PKD1: variants seen among roughly 807,000 people sequenced by gnomAD.
PKD1 encodes polycystin 1, transient receptor potential channel interacting.
Under a neutral mutation model 361.7 loss-of-function variants are expected in PKD1, and 81 were observed. The observed-to-expected ratio is 0.22, with a 90% confidence interval of 0.19 to 0.27. The LOEUF (loss-of-function observed/expected upper bound fraction) is 0.27, where lower values mean the gene tolerates loss of function less well. PKD1 is among the 10% of genes least tolerant of loss of function. PKD1 has a pLI of 1.00. For synonymous variants in PKD1, 3,615 were observed against 2,818.3 expected (o/e 1.28, Z -8.95); for missense variants, 6,399 against 6,118.3 (o/e 1.05, Z -1.53).
At chr16:2,134,854 CCT>C (rs1302475947) in intron 1 of PKD1, among the ~76,000 whole-genome samples, 2 of 150,832 alleles carry the variant, frequency 1.3e-5, no homozygotes, top group South Asian at 2.1e-4. Context: ...CCCCCTCACC[CCT>C]GTTCTCAGGA....
At chr16:2,105,626 A>G in intron 20 of PKD1, 152 bp from the exon 21 acceptor site, 1 of 1,548,684 alleles carries the variant, frequency 6.5e-7, no homozygotes, top group Non-Finnish European at 8.7e-7. Flanking sequence ...CTTCATGGGC[A>G]AAACAGGGTA....
Position 2,111,700 on chromosome 16 carries a change from C to G in PKD1, c.3467G>C (p.Gly1156Ala), listed in dbSNP as rs758919377. 10 of 1,583,508 alleles carry G rather than the reference C, an allele frequency of 6.3e-6. No homozygotes were observed. In the African/African-American group the frequency reaches 1.2e-4, roughly 19 times the overall value. The change falls in exon 15 of 46, where the codon GGT becomes GCT. Residue 1156 changes from glycine (G) to alanine (A), a missense_variant. Gly to Ala is a moderately conservative substitution (Grantham distance 60). Coordinates refer to ENST00000262304, the MANE Select transcript of PKD1 (RefSeq NM_001009944.3). Reference sequence around the variant, plus strand: ...CCCGAAGTCCCACGTGTAAAGAACACCCCCAGGCGAGGGCAGCGGGTGCGG... The same window carrying G: ...CCCGAAGTCCCACGTGTAAAGAACAGCCCCAGGCGAGGGCAGCGGGTGCGG... ...FYPHPLPSPG[G>A]VLYTWDFGDG...
At chr16:2,108,228 A>G in intron 15 of PKD1, 24 bp downstream of exon 15, 2 of 1,583,592 alleles carry the variant, frequency 1.3e-6, no homozygotes, top group Non-Finnish European at 1.7e-6. Flanking sequence ...AGGGGCATGG[A>G]GGACGGCCCT....
chr16:2,127,193 A>G (rs1185249003), intron 1 of PKD1, among the ~76,000 whole-genome samples: 4 of 152,364 alleles, frequency 2.6e-5, no homozygotes, highest in East Asian at 1.9e-4. Flanking sequence ...GGGTCCGCAC[A>G]TCAGGGCGGG....
chr16:2,125,308 C>G (rs13337478), intron 1 of PKD1, among the ~76,000 whole-genome samples: 3 of 152,090 alleles, frequency 2.0e-5, no homozygotes, highest in Non-Finnish European at 4.4e-5. Context: ...CCTGGCCCCA[C>G]GAGGGGTGGG....
chr16:2,115,322 G>A (rs150369218), intron 10 of PKD1, 56 bp downstream of exon 10: 17,953 of 1,425,956 alleles, frequency 0.013, 418 homozygotes, highest in East Asian at 0.12. Flanking sequence ...CTGGGCAGCA[G>A]ACAGGAAGGT....
rs539433873 is a variant in PKD1, at chr16:2,099,373, T to TG, written c.10050+270_10050+271insC. On this transcript the variant is annotated intron_variant, in intron 30 of 45. Transcript: ENST00000262304. ...AAGCGTGCACAGCCGCGTGCTTGCT[T>TG]CTTCTGAGTTATCTGGCGTGCTGCT... 4.3e-4 allele frequency: 216 copies of TG among 502,904 alleles called. 1 individual carries two copies. Among genetic ancestry groups the TG allele is most frequent in the South Asian group, 2.0e-3 (102 of 51,346 alleles). The allele number at this position is 502,904 out of a possible 1,614,324, so 31.2% of individuals were successfully genotyped here.
In PKD1 at chr16:2,106,928, C is replaced by A. The variant is rs1336746774; in HGVS notation, c.7086G>T (p.Arg2362=). ...CACACTCCAAGGACACAATGGGCAC[C>A]CGGCCACTCCGGATCAGCACCTGGC... The part of the protein sequence containing the change: ...TNQTVLIRSG[R]VPIVSLECVS... Residue 2362 remains arginine (R), a synonymous_variant, in exon 17 of 46, where the codon CGG becomes CGT. Transcript: ENST00000262304. This position sits in a 1 kb window ranked among gnomAD's most constrained non-coding sequence, Gnocchi z 6.5. 8 of 1,580,674 alleles carry A rather than the reference C, an allele frequency of 5.1e-6. No homozygotes were observed. The highest frequency in any genetic ancestry group is 1.7e-5 in the Admixed American group (1 of 59,958).
chr16:2,115,673 C>T (rs564928981), intron 9 of PKD1, 48 bp from the exon 10 acceptor site: 11 of 1,568,932 alleles, frequency 7.0e-6, no homozygotes, highest in South Asian at 1.1e-5. Context: ...CACAGGCCAC[C>T]GTCAGAGATG....
In PKD1 at chr16:2,106,062, C is replaced by T. The variant is rs753259283; in HGVS notation, c.7703+29G>A. The T allele has an allele frequency of 4.4e-5, 71 of 1,606,686 alleles. No individual in the cohort carries two copies. In the South Asian group the frequency reaches 5.2e-4, roughly 12 times the overall value. On this transcript the variant is annotated intron_variant, in intron 19 of 45. Coordinates refer to ENST00000262304, the MANE Select transcript of PKD1 (RefSeq NM_001009944.3). The surrounding 1 kb of genome is among the most constrained non-coding windows in gnomAD (Gnocchi z 6.5). ...GGGGGTGGTGAGCAGGTGGCAGTCTCGGGGGCGCCCTCCCACGGCCTGGCT... is the reference window on the plus strand; with the variant it reads ...GGGGGTGGTGAGCAGGTGGCAGTCTTGGGGGCGCCCTCCCACGGCCTGGCT...
rs781572938 is a variant in PKD1, at chr16:2,116,578, G to A, written c.1673C>T (p.Thr558Met). The A allele has an allele frequency of 4.2e-5, 66 of 1,571,020 alleles. No homozygotes were observed. The highest frequency in any genetic ancestry group is 1.6e-4 in the Admixed American group (9 of 55,948). Residue 558 changes from threonine to methionine, a missense_variant, in exon 8 of 46, where the codon ACG (threonine) becomes ATG (methionine). Physicochemically the swap from Thr to Met is moderately conservative, Grantham distance 81 (BLOSUM62 -1). Coordinates refer to ENST00000262304, the MANE Select transcript of PKD1 (RefSeq NM_001009944.3). ...GAGGCCGTCCTGCTGTGCCAGAGGC[G>A]TCAGGGGTCCCTGCAGGTCCCCACT... ...APSGDLQGPLTPLAQQDGLSA... is the reference protein window; with the variant it reads ...APSGDLQGPLMPLAQQDGLSA...
intron 24 of PKD1, 65 bp downstream of exon 24, chr16:2,102,749 T>A: frequency 1.2e-6 from 2 of 1,603,030 alleles, no homozygotes; most frequent in African/African-American, 1.3e-5. Context: ...ATGGGGCCAG[T>A]AACCCAGGCA....
chr16:2,106,381 C>G lies in PKD1; in HGVS notation c.7489+17G>C. 1.3e-6 allele frequency: 2 copies of G among 1,593,210 alleles called. No individual in the cohort carries two copies. Among genetic ancestry groups the G allele is most frequent in the Admixed American group, 1.8e-5 (1 of 56,904 alleles). ...TCGGGGGATCCCGCTGCTCCCCCCACGCAGGCCTGCACTCACCCGTGCATT... is the reference window on the plus strand; with the variant it reads ...TCGGGGGATCCCGCTGCTCCCCCCAGGCAGGCCTGCACTCACCCGTGCATT... On this transcript the variant is annotated intron_variant, in intron 18 of 45. Transcript: ENST00000262304. The surrounding 1 kb of genome is among the most constrained non-coding windows in gnomAD (Gnocchi z 6.5).
In PKD1 at chr16:2,111,118, G is replaced by A. The variant is rs777460980; in HGVS notation, c.4049C>T (p.Thr1350Met). The part of the protein sequence containing the change: ...RGCPTVTHNF[T>M]RSGTFPLALV... ...CGCCAGGGGGAACGTGCCGCTCCGCGTGAAGTTGTGTGTCACCGTCGGGCA... is the reference window on the plus strand; with the variant it reads ...CGCCAGGGGGAACGTGCCGCTCCGCATGAAGTTGTGTGTCACCGTCGGGCA... Residue 1350 changes from threonine to methionine, a missense_variant, in exon 15 of 46, where the codon ACG becomes ATG. Transcript: ENST00000262304. 48 of 1,610,864 alleles carry A rather than the reference G, an allele frequency of 3.0e-5. No homozygotes were observed. Among genetic ancestry groups the A allele is most frequent in the East Asian group, 2.2e-4 (10 of 44,868 alleles).
rs1269405033 is a variant in PKD1, at chr16:2,105,855, C to A, written c.7863+10G>T. 2 of 1,595,298 alleles carry A rather than the reference C, an allele frequency of 1.3e-6. No individual in the cohort carries two copies. Among genetic ancestry groups the A allele is most frequent in the Non-Finnish European group, 1.7e-6 (2 of 1,179,040 alleles). On this transcript the variant is annotated intron_variant, in intron 20 of 45. Transcript: ENST00000262304. ...AGCAGATGTGACGTCCCCTCCCAGG[C>A]TGCACTCACCTCGTTCAGCACGGTG...
intron 11 of PKD1, 40 bp from the exon 12 acceptor site, chr16:2,113,332 C>T: frequency 6.3e-7 from 1 of 1,594,228 alleles, no homozygotes; most frequent in Non-Finnish European, 8.5e-7. Context: ...CTGTGGAGGA[C>T]TCTGCCCTTA....
rs141871028 is a variant in PKD1, at chr16:2,110,075, G to T, written c.5092C>A (p.Arg1698=). The T allele has an allele frequency of 1.2e-6, 2 of 1,609,690 alleles. No homozygotes were observed. The highest frequency in any genetic ancestry group is 1.7e-6 in the Non-Finnish European group (2 of 1,179,394). The part of the protein sequence containing the change: ...LEAGTYHVQL[R]ATNMLGSAWA... Reference sequence around the variant, plus strand: ...GCGCTGCCCAGCATGTTGGTGGCCCGCAGCTGCACATGGTAGGTGCCGGCC... The same window carrying T: ...GCGCTGCCCAGCATGTTGGTGGCCCTCAGCTGCACATGGTAGGTGCCGGCC... The change falls in exon 15 of 46, where the codon CGG becomes AGG. Residue 1698 remains arginine, a synonymous_variant. Transcript: ENST00000262304.
At chr16:2,124,801 G>C (rs1385874993) in intron 1 of PKD1, among the ~76,000 whole-genome samples, 2 of 152,246 alleles carry the variant, frequency 1.3e-5, no homozygotes, top group Non-Finnish European at 1.5e-5. Context: ...GGGCTGGGGG[G>C]ACCGGCTCGG....
intron 34 of PKD1, among the ~76,000 whole-genome samples, chr16:2,096,382 G>A (rs1399215575): frequency 6.6e-6 from 1 of 152,264 alleles, no homozygotes; most frequent in Non-Finnish European, 1.5e-5. Flanking sequence ...AGAGCCCGGG[G>A]TCACACGCGT....
Sources: gnomAD v4.1 joint callset for allele counts (sites outside exome capture counted in the v4.1 genomes callset) on GRCh38, gnomAD v4.1.1 for gene constraint, Gnocchi (gnomAD v3.1) non-coding constraint, MANE v1.5 for transcripts, NCBI Gene and HGNC (gene_info 2026-07-23, HGNC 2026-07-21) for gene names.